ATXN1L: variants seen among roughly 807,000 people sequenced by gnomAD.
The protein encoded by ATXN1L is ataxin 1 like, also known as ataxin-1-like.
In ATXN1L, 8 loss-of-function variants were observed where a neutral mutation model predicts 43.4. The ratio of observed to expected loss-of-function variants is 0.18; its 90% CI spans 0.11 to 0.33. The LOEUF (loss-of-function observed/expected upper bound fraction) is 0.33, where lower values mean the gene tolerates loss of function less well. ATXN1L is among the 10% of genes least tolerant of loss of function. The probability of loss-of-function intolerance (pLI) is 1.00; values close to 1 mark genes in which losing one functional copy is unlikely to be tolerated. For missense variants in ATXN1L, 856 were observed against 885.4 expected, an observed-to-expected ratio of 0.97 and a Z score of 0.42; for synonymous variants, 379 against 360.6, an observed-to-expected ratio of 1.05 and a Z score of -0.58.
chr16:71,846,690 T>C (rs891992421), intron 1 of ATXN1L, among the ~76,000 whole-genome samples: 12 of 152,324 alleles, frequency 7.9e-5, no homozygotes, highest in African/African-American at 2.6e-4. Context: ...GGTCACAAGC[T>C]GCGTTTTCCC....
chr16:71,851,086 C>T lies in ATXN1L; in HGVS notation c.1346C>T (p.Thr449Ile). 4 of 1,551,608 alleles carry T rather than the reference C, an allele frequency of 2.6e-6. No individual in the cohort carries two copies. Among genetic ancestry groups the T allele is most frequent in the African/African-American group, 1.4e-5 (1 of 73,162 alleles). ...AGTCTGGACGTGCAGGCCAGAGCCA[C>T]CTTCCCAGACAAGGAGCCAACGCCG... ...ASSLDVQARA[T>I]FPDKEPTPPP... The change falls in exon 3 of 3, where the codon ACC (threonine) becomes ATC (isoleucine). Residue 449 changes from threonine to isoleucine, a missense_variant. Thr to Ile is a moderately conservative substitution (Grantham distance 89). Around this residue, in one of 7 missense-constraint regions of ATXN1L, gnomAD observed 490 missense variants for 449.4 expected, o/e 1.09. Coordinates refer to ENST00000427980, the MANE Select transcript of ATXN1L (RefSeq NM_001137675.4). The surrounding 1 kb of genome is among the most constrained non-coding windows in gnomAD (Gnocchi z 4.9).
chr16:71,848,690 T>TA (rs60536077), intron 2 of ATXN1L, among the ~76,000 whole-genome samples: 9 of 148,916 alleles, frequency 6.0e-5, no homozygotes, highest in Admixed American at 1.3e-4. Context: ...AGCAAAGTCT[T>TA]AAAAAAAAAA....
chr16:71,846,896 G>A (rs1322026131), intron 1 of ATXN1L, among the ~76,000 whole-genome samples: 1 of 151,962 alleles, frequency 6.6e-6, no homozygotes, highest in Admixed American at 6.6e-5. Flanking sequence ...TAAAGTTTTC[G>A]TTACAGAAAG....
In ATXN1L at chr16:71,851,177, G is replaced by C. The variant is rs560067410; in HGVS notation, c.1437G>C (p.Thr479=). ...FMKGAIIQLA[T]GELKRVEDLQ... Reference sequence around the variant, plus strand: ...AAGGCGCCATCATCCAGCTGGCTACGGGAGAGCTGAAGCGGGTGGAGGACC... The same window carrying C: ...AAGGCGCCATCATCCAGCTGGCTACCGGAGAGCTGAAGCGGGTGGAGGACC... The change falls in exon 3 of 3, where the codon ACG becomes ACC. Residue 479 remains threonine (T), a synonymous_variant. Transcript: ENST00000427980. The surrounding 1 kb of genome is among the most constrained non-coding windows in gnomAD (Gnocchi z 4.9). 2 of 1,551,648 alleles carry C rather than the reference G, an allele frequency of 1.3e-6. No individual in the cohort carries two copies. The highest frequency in any genetic ancestry group is 4.9e-5 in the East Asian group (2 of 40,906).
At position 71,851,432 on chromosome 16, in the gene ATXN1L, C is replaced by T. The variant is rs1051180135; in HGVS notation, c.1692C>T (p.Phe564=). The change falls in exon 3 of 3, where the codon TTC becomes TTT. Residue 564 remains phenylalanine (F), a synonymous_variant. Coordinates refer to ENST00000427980, the MANE Select transcript of ATXN1L (RefSeq NM_001137675.4). This position sits in a 1 kb window ranked among gnomAD's most constrained non-coding sequence, Gnocchi z 4.9. ...GCCCTGGGCGGACGACACAACTCTT[C>T]TCTCTGCCCTGCCATCGGCTACAGG... ...SCSPGRTTQL[F]SLPCHRLQVG... 3.1e-5 allele frequency: 48 copies of T among 1,551,554 alleles called. No homozygotes were observed. Among genetic ancestry groups the T allele is most frequent in the Non-Finnish European group, 3.8e-5 (44 of 1,146,998 alleles).
chr16:71,851,955 C>T lies in ATXN1L; in HGVS notation c.*145C>T, dbSNP rs1158867809. The T allele has an allele frequency of 2.1e-6, 2 of 951,830 alleles. No homozygotes were observed. The highest frequency in any genetic ancestry group is 2.9e-6 in the Non-Finnish European group (2 of 688,460). The allele number at this position is 951,830 out of a possible 1,614,324, so 59.0% of individuals were successfully genotyped here. A position where few individuals can be genotyped will look rare whatever the true frequency, so the allele number is the denominator to read the frequency against. ...GAAAGGGGAGGCATGAAGTCAGCCT[C>T]CCAAGGCAGGATCTGTTGTTCATTA... On this transcript the variant is annotated 3_prime_UTR_variant, in exon 3 of 3. Coordinates refer to ENST00000427980, the MANE Select transcript of ATXN1L (RefSeq NM_001137675.4). This position sits in a 1 kb window ranked among gnomAD's most constrained non-coding sequence, Gnocchi z 4.9.
In ATXN1L at chr16:71,856,095, T is replaced by G. The variant is rs138470885; in HGVS notation, c.*4285T>G. ...CCAGAGATGCTAGAGTCGACTGCAC[T>G]CTCTCCTTAGCTGCAGACCATGCAC... is the stretch of plus-strand genomic sequence containing the variant. On this transcript the variant is annotated 3_prime_UTR_variant, in exon 3 of 3. Transcript: ENST00000427980. 90 of 167,188 alleles carry G rather than the reference T, an allele frequency of 5.4e-4. No homozygotes were observed. Among genetic ancestry groups the G allele is most frequent in the African/African-American group, 2.0e-3 (82 of 41,560 alleles). 10.4% of individuals were successfully genotyped at this position (167,188 alleles called of 1,614,324 possible). A position where few individuals can be genotyped will look rare whatever the true frequency, so the allele number is the denominator to read the frequency against.
chr16:71,851,368 A>T lies in ATXN1L; in HGVS notation c.1628A>T (p.His543Leu). The change falls in exon 3 of 3, where the codon CAC becomes CTC. Residue 543 changes from histidine (H) to leucine (L), a missense_variant. Physicochemically the swap from His to Leu is moderately conservative, Grantham distance 99 (BLOSUM62 -3). Coordinates refer to ENST00000427980, the MANE Select transcript of ATXN1L (RefSeq NM_001137675.4). The surrounding 1 kb of genome is among the most constrained non-coding windows in gnomAD (Gnocchi z 4.9). ...GTGAGCATCGAAGTGCCCCCCGAGCACCCCTTCTTTGTATATGGCCAGGGT... is the reference window on the plus strand; with the variant it reads ...GTGAGCATCGAAGTGCCCCCCGAGCTCCCCTTCTTTGTATATGGCCAGGGT... ...SKVSIEVPPE[H>L]PFFVYGQGWS... 1 of 1,551,124 alleles carries T rather than the reference A, an allele frequency of 6.4e-7. No individual in the cohort carries two copies. Among genetic ancestry groups the T allele is most frequent in the Non-Finnish European group, 8.7e-7 (1 of 1,146,880 alleles).
At position 71,852,867 on chromosome 16, in the gene ATXN1L, A is replaced by G. The variant is rs2142323795; in HGVS notation, c.*1057A>G. 6.0e-6 allele frequency: 1 copy of G among 167,318 alleles called. No homozygotes were observed. Among genetic ancestry groups the G allele is most frequent in the Non-Finnish European group, 1.5e-5 (1 of 68,210 alleles). 10.4% of individuals were successfully genotyped at this position (167,318 alleles called of 1,614,324 possible). On this transcript the variant is annotated 3_prime_UTR_variant, in exon 3 of 3. Transcript: ENST00000427980. ...AAAGTTGGTTTTGTCCACTCTGACC[A>G]AGACCTCTAGTTTTTGGTGGGTAGG...
rs941494773 is a variant in ATXN1L at position 71,850,800 on chromosome 16, G to C, written c.1060G>C (p.Ala354Pro). The C allele has an allele frequency of 8.4e-6, 13 of 1,551,574 alleles. No individual in the cohort carries two copies. In the African/African-American group the frequency reaches 1.8e-4, roughly 21 times the overall value. The change falls in exon 3 of 3, where the codon GCT becomes CCT. Residue 354 changes from alanine to proline, a missense_variant. This residue lies in a region of ATXN1L where 490 missense variants were observed against 449.4 expected (regional missense o/e 1.09). Transcript: ENST00000427980. Reference protein sequence around the residue: ...LASQDYRVVAAQRKEEPSPLN... With the variant: ...LASQDYRVVAPQRKEEPSPLN... The stretch of plus-strand genomic sequence containing the variant: ...TTCTCAGGACTATCGTGTGGTGGCA[G>C]CTCAGAGGAAGGAGGAACCCAGCCC...
rs185506132 is a variant in ATXN1L, at chr16:71,856,742, C to G, written c.*4932C>G. 10 of 167,188 alleles carry G rather than the reference C, an allele frequency of 6.0e-5. No homozygotes were observed. The East Asian group carries it at 1.9e-3, about 32-fold the overall frequency. 10.4% of individuals were successfully genotyped at this position (167,188 alleles called of 1,614,324 possible). On this transcript the variant is annotated 3_prime_UTR_variant, in exon 3 of 3. Transcript: ENST00000427980. The stretch of plus-strand genomic sequence containing the variant: ...ATCCAGCTGCAGAGAGCAGACTGCT[C>G]TCAGCTTGCACAGCACCTTAGGCGA...
Position 71,850,300 on chromosome 16 carries a change from C to T in ATXN1L, c.560C>T (p.Pro187Leu), listed in dbSNP as rs895416208. 4.8e-5 allele frequency: 75 copies of T among 1,551,598 alleles called. No individual in the cohort carries two copies. The highest frequency in any genetic ancestry group is 1.7e-4 in the Middle Eastern group (1 of 6,014). Reference protein sequence around the residue: ...YASLLAEGATPPPQAPSPAHS... With the variant: ...YASLLAEGATLPPQAPSPAHS... ...TCACTTCTGGCTGAAGGAGCCACTC[C>T]TCCCCCACAGGCTCCCTCCCCGGCC... is the stretch of plus-strand genomic sequence containing the variant. Residue 187 changes from proline (P) to leucine (L), a missense_variant, in exon 3 of 3, where the codon CCT (proline) becomes CTT (leucine). This residue lies in a region of ATXN1L where 490 missense variants were observed against 449.4 expected (regional missense o/e 1.09). Transcript: ENST00000427980.
chr16:71,855,920 ACT>A lies in ATXN1L; in HGVS notation c.*4114_*4115del, dbSNP rs1349705633. ...GTTTGCCCTTTGCTGGGAAGCCTTC[ACT>A]CTCCAGCTTTCCTGGGGTAGGGAAG... On this transcript the variant is annotated 3_prime_UTR_variant, in exon 3 of 3. Coordinates refer to ENST00000427980, the MANE Select transcript of ATXN1L (RefSeq NM_001137675.4). 1 of 166,866 alleles carries A rather than the reference ACT, an allele frequency of 6.0e-6. No homozygotes were observed. The highest frequency in any genetic ancestry group is 2.4e-5 in the African/African-American group (1 of 41,378). 10.3% of individuals were successfully genotyped at this position (166,866 alleles called of 1,614,324 possible).
In ATXN1L at chr16:71,850,800, G is replaced by T; in HGVS notation, c.1060G>T (p.Ala354Ser). The change falls in exon 3 of 3, where the codon GCT (alanine) becomes TCT (serine). Residue 354 changes from alanine (A) to serine (S), a missense_variant. This residue lies in a region of ATXN1L where 490 missense variants were observed against 449.4 expected (regional missense o/e 1.09). Transcript: ENST00000427980. The stretch of plus-strand genomic sequence containing the variant: ...TTCTCAGGACTATCGTGTGGTGGCA[G>T]CTCAGAGGAAGGAGGAACCCAGCCC... ...LASQDYRVVA[A>S]QRKEEPSPLN... is the part of the protein sequence containing the mutation. The T allele has an allele frequency of 6.4e-7, 1 of 1,551,692 alleles. No homozygotes were observed. The highest frequency in any genetic ancestry group is 1.2e-5 in the South Asian group (1 of 84,058).
chr16:71,850,933 A>C lies in ATXN1L; in HGVS notation c.1193A>C (p.Gln398Pro). ...EKSQARGFYP[Q>P]SHQEPVKHRP... The stretch of plus-strand genomic sequence containing the variant: ...AGTCAGGCCCGTGGGTTCTACCCTC[A>C]GTCCCATCAGGAACCAGTAAAACAT... The change falls in exon 3 of 3, where the codon CAG (glutamine) becomes CCG (proline). Residue 398 changes from glutamine (Q) to proline (P), a missense_variant. By Grantham distance (76) the Gln-to-Pro change is moderately conservative. Coordinates refer to ENST00000427980, the MANE Select transcript of ATXN1L (RefSeq NM_001137675.4). The C allele has an allele frequency of 6.4e-7, 1 of 1,551,694 alleles. No individual in the cohort carries two copies. The highest frequency in any genetic ancestry group is 8.7e-7 in the Non-Finnish European group (1 of 1,146,974).
rs1250977800 is a variant in ATXN1L at position 71,851,307 on chromosome 16, A to G, written c.1567A>G (p.Met523Val). The G allele has an allele frequency of 1.3e-6, 2 of 1,551,548 alleles. No individual in the cohort carries two copies. Among genetic ancestry groups the G allele is most frequent in the Non-Finnish European group, 1.7e-6 (2 of 1,146,992 alleles). ...GGAGAGCCAATGGCCTGGATTTGTC[A>G]TGCTGCATTTTGTGGTTGGTGAGCA... The part of the protein sequence containing the change: ...IQESQWPGFV[M>V]LHFVVGEQQS... The change falls in exon 3 of 3, where the codon ATG becomes GTG. Residue 523 changes from methionine (M) to valine (V), a missense_variant. Physicochemically the swap from Met to Val is conservative, Grantham distance 21. Transcript: ENST00000427980. This position sits in a 1 kb window ranked among gnomAD's most constrained non-coding sequence, Gnocchi z 4.9.
rs1031053444 is a variant in ATXN1L at position 71,854,008 on chromosome 16, C to G, written c.*2198C>G. On this transcript the variant is annotated 3_prime_UTR_variant, in exon 3 of 3. Transcript: ENST00000427980. ...GTGGGGTTGAGTCTTGAGGAATCCC[C>G]TCAAATGAGAAGGCCTTGGGAGAAG... 6.0e-6 allele frequency: 1 copy of G among 167,084 alleles called. No homozygotes were observed. The highest frequency in any genetic ancestry group is 2.4e-5 in the African/African-American group (1 of 41,428). 10.4% of individuals were successfully genotyped at this position (167,084 alleles called of 1,614,324 possible).
Position 71,856,647 on chromosome 16 carries a change from G to A in ATXN1L, c.*4837G>A, listed in dbSNP as rs3088285. On this transcript the variant is annotated 3_prime_UTR_variant, in exon 3 of 3. Coordinates refer to ENST00000427980, the MANE Select transcript of ATXN1L (RefSeq NM_001137675.4). ...TGACTGTACTCATGGCTAACTTAAA[G>A]TATTAAAATAAGGCTGTCCCCTACA... 0.25 allele frequency: 41,178 copies of A among 167,042 alleles called. 5,316 individuals carry two copies. The highest frequency in any genetic ancestry group is 0.28 in the Non-Finnish European group (18,899 of 68,084). 10.3% of individuals were successfully genotyped at this position (167,042 alleles called of 1,614,324 possible).
chr16:71,850,821 A>G lies in ATXN1L; in HGVS notation c.1081A>G (p.Ser361Gly), dbSNP rs1597110553. The G allele has an allele frequency of 6.4e-7, 1 of 1,551,676 alleles. No homozygotes were observed. The change falls in exon 3 of 3, where the codon AGC (serine) becomes GGC (glycine). Residue 361 changes from serine (S) to glycine (G), a missense_variant. Coordinates refer to ENST00000427980, the MANE Select transcript of ATXN1L (RefSeq NM_001137675.4). ...VVAAQRKEEP[S>G]PLNLSHHTPD... Reference sequence around the variant, plus strand: ...GGCAGCTCAGAGGAAGGAGGAACCCAGCCCCCTCAACCTATCCCATCATAC... The same window carrying G: ...GGCAGCTCAGAGGAAGGAGGAACCCGGCCCCCTCAACCTATCCCATCATAC...
Sources: allele counts gnomAD v4.1 joint callset (sites outside exome capture counted in the v4.1 genomes callset), GRCh38; gene constraint gnomAD v4.1.1; regional missense constraint gnomAD v4.1.1; non-coding constraint Gnocchi (gnomAD v3.1); transcripts MANE v1.5; gene names NCBI Gene and HGNC (gene_info 2026-07-23, HGNC 2026-07-21).